FBXL5: variants seen among roughly 807,000 people sequenced by gnomAD.
FBXL5 encodes the protein F-box and leucine rich repeat protein 5.
FBXL5 carries 26 observed loss-of-function variants against 78.3 expected under a neutral mutation model. The ratio of observed to expected loss-of-function variants is 0.33; its 90% confidence interval spans 0.24 to 0.46. The LOEUF (loss-of-function observed/expected upper bound fraction) is 0.46, where lower values mean the gene tolerates loss of function less well. Among genes scored for constraint, FBXL5 ranks in the 20% least tolerant of loss-of-function variants. The pLI, the probability that FBXL5 is intolerant of heterozygous loss-of-function variation, is 1.00. For synonymous variants in FBXL5, 295 were observed against 282.5 expected (o/e 1.04, Z -0.45); for missense variants, 710 against 829.2 (o/e 0.86, Z 1.77).
In FBXL5 at chr4:15,636,582, A is replaced by C. The variant is rs746268261; in HGVS notation, c.678T>G (p.Cys226Trp). Reference sequence around the variant, plus strand: ...ATTTCATGCTTACTTGACTGCATCGACATAACTCTTGAGGATTAAGATAGC... The same window carrying C: ...ATTTCATGCTTACTTGACTGCATCGCCATAACTCTTGAGGATTAAGATAGC... ...IFSYLNPQEL[C>W]RCSQVSMKWS... The change falls in exon 5 of 11, where the codon TGT becomes TGG. Residue 226 changes from cysteine to tryptophan, a missense_variant. Coordinates refer to ENST00000341285, the MANE Select transcript of FBXL5 (RefSeq NM_012161.4). 6.2e-7 allele frequency: 1 copy of C among 1,614,116 alleles called. No homozygotes were observed. Among genetic ancestry groups the C allele is most frequent in the South Asian group, 1.1e-5 (1 of 91,084 alleles).
In FBXL5 at chr4:15,626,858, T is replaced by C. The variant is rs755091836; in HGVS notation, c.1124+15A>G. 18 of 1,560,196 alleles carry C rather than the reference T, an allele frequency of 1.2e-5. No individual in the cohort carries two copies. The highest frequency in any genetic ancestry group is 1.5e-5 in the Non-Finnish European group (17 of 1,149,832). ...ATAGTTTTTCATTATATTTAAATTG[T>C]TTAAAATAACTAACCTGTCAAATGC... On this transcript the variant is annotated intron_variant, in intron 8 of 10. Transcript: ENST00000341285.
chr4:15,606,444 A>G (rs1353599938), intron 10 of FBXL5, among the ~76,000 whole-genome samples: 2 of 152,200 alleles, frequency 1.3e-5, no homozygotes, highest in Non-Finnish European at 2.9e-5. Context: ...AATCTGTGGA[A>G]TAACTGACAT....
At chr4:15,647,473 A>C (rs760503592) in intron 1 of FBXL5, among the ~76,000 whole-genome samples, 4 of 152,160 alleles carry the variant, frequency 2.6e-5, no homozygotes, top group Non-Finnish European at 5.9e-5. Flanking sequence ...AATCTCCCAC[A>C]AAATAGGAGG....
intron 10 of FBXL5, among the ~76,000 whole-genome samples, chr4:15,609,069 A>G (rs1722069355): frequency 6.6e-6 from 1 of 152,174 alleles, no homozygotes; most frequent in Non-Finnish European, 1.5e-5. Flanking sequence ...AGGGAAAACT[A>G]GAAAGAAATA....
chr4:15,606,712 C>A (rs1721911206), intron 10 of FBXL5, among the ~76,000 whole-genome samples: 1 of 152,028 alleles, frequency 6.6e-6, no homozygotes, highest in African/African-American at 2.4e-5. Context: ...CAAGAACAAC[C>A]AAAATACTTG....
chr4:15,647,549 G>A (rs975054799), intron 1 of FBXL5, among the ~76,000 whole-genome samples: 11 of 152,054 alleles, frequency 7.2e-5, no homozygotes, highest in Non-Finnish European at 1.6e-4. Context: ...AAGACATACA[G>A]GGAATTTTGC....
At position 15,645,613 on chromosome 4, in the gene FBXL5, G is replaced by C. The variant is rs188297266; in HGVS notation, c.85-905C>G. ...CGGCTAATTTTTGTATTTTTTAGCA[G>C]AGATGGGGTTTCACCATCTTGGCCA... On this transcript the variant is annotated intron_variant, in intron 1 of 10. Transcript: ENST00000341285. Among the ~76,000 whole-genome samples the C allele has an allele frequency of 9.6e-3, 1,459 of 151,998 alleles. 19 individuals carry two copies. The highest frequency in any genetic ancestry group is 0.034 in the African/African-American group (1,392 of 41,438).
chr4:15,624,858 C>T (rs1324989613), intron 9 of FBXL5, among the ~76,000 whole-genome samples: 1 of 152,116 alleles, frequency 6.6e-6, no homozygotes. Flanking sequence ...CCTACGTTTT[C>T]CAAAACCCTC....
Position 15,645,756 on chromosome 4 carries a change from A to G in FBXL5, c.85-1048T>C, listed in dbSNP as rs377174172. 3.3e-3 allele frequency among the ~76,000 whole-genome samples: 508 copies of G among 152,260 alleles called. 32 individuals are homozygous for G. In the South Asian group the frequency reaches 0.099, roughly 30 times the overall value. On this transcript the variant is annotated intron_variant, in intron 1 of 10. Coordinates refer to ENST00000341285, the MANE Select transcript of FBXL5 (RefSeq NM_012161.4). ...TTTCTTTCTTAATGTGTTAATCTTG[A>G]TGTTAAATGGATATAATAAAACATC...
In FBXL5 at chr4:15,611,454, C is replaced by T. The variant is rs929218782; in HGVS notation, c.1999+812G>A. ...AAGACAGGTACATAGTAGTCTGAGCCATCTAAAATTTTCTCCAGTTATAAA... is the reference window on the plus strand; with the variant it reads ...AAGACAGGTACATAGTAGTCTGAGCTATCTAAAATTTTCTCCAGTTATAAA... On this transcript the variant is annotated intron_variant, in intron 10 of 10. Transcript: ENST00000341285. 2.0e-5 allele frequency among the ~76,000 whole-genome samples: 3 copies of T among 151,996 alleles called. No homozygotes were observed. The South Asian group carries it at 6.2e-4, about 31-fold the overall frequency.
intron 4 of FBXL5, among the ~76,000 whole-genome samples, chr4:15,636,955 A>G (rs1429487258): frequency 6.6e-6 from 1 of 152,232 alleles, no homozygotes; most frequent in Admixed American, 6.5e-5. Flanking sequence ...CATCACAGAA[A>G]AAACAATACT....
At chr4:15,635,575 G>A (rs12509029) in intron 5 of FBXL5, among the ~76,000 whole-genome samples, 42,716 of 151,516 alleles carry the variant, frequency 0.28, 6,244 homozygotes, top group East Asian at 0.47. Context: ...TCAACATGAT[G>A]AAACCCCATC....
chr4:15,654,087 A>C (rs1716500155), intron 1 of FBXL5, among the ~76,000 whole-genome samples: 1 of 152,130 alleles, frequency 6.6e-6, no homozygotes, highest in Admixed American at 6.5e-5. Context: ...GCTGGTCTTG[A>C]GTGTGGCCTA....
Position 15,655,349 on chromosome 4 carries a change from C to T in FBXL5, c.-62G>A. On this transcript the variant is annotated 5_prime_UTR_variant, in exon 1 of 11. Coordinates refer to ENST00000341285, the MANE Select transcript of FBXL5 (RefSeq NM_012161.4). ...CGCCGCCTCTCCATAGACACCCTCGCCGCGGGGCAGAGGCGGCGCGCCCCC... is the reference window on the plus strand; with the variant it reads ...CGCCGCCTCTCCATAGACACCCTCGTCGCGGGGCAGAGGCGGCGCGCCCCC... The T allele has an allele frequency of 3.2e-6, 4 of 1,261,608 alleles. No homozygotes were observed. The highest frequency in any genetic ancestry group is 4.1e-6 in the Non-Finnish European group (4 of 971,146). 78.2% of individuals were successfully genotyped at this position (1,261,608 alleles called of 1,614,324 possible). A position where few individuals can be genotyped will look rare whatever the true frequency, so the allele number is the denominator to read the frequency against.
chr4:15,612,075 G>A, intron 10 of FBXL5, 191 bp downstream of exon 10: 1 of 473,820 alleles, frequency 2.1e-6, no homozygotes, highest in East Asian at 3.7e-5. Flanking sequence ...ACATCTGCAA[G>A]AAAAACTTAC....
chr4:15,629,343 CTG>C (rs1713390082), intron 6 of FBXL5, among the ~76,000 whole-genome samples: 1 of 152,126 alleles, frequency 6.6e-6, no homozygotes, highest in South Asian at 2.1e-4. Context: ...AATGAATAAA[CTG>C]AGACTTCCTT....
intron 6 of FBXL5, among the ~76,000 whole-genome samples, chr4:15,629,069 A>G (rs997574849): frequency 1.3e-5 from 2 of 152,138 alleles, no homozygotes; most frequent in Non-Finnish European, 1.5e-5. Flanking sequence ...TAAACATTCT[A>G]TGAAAAACAA....
rs190414775 is a variant in FBXL5 at position 15,605,628 on chromosome 4, A to C, written c.*95T>G. 377 of 1,020,758 alleles carry C rather than the reference A, an allele frequency of 3.7e-4. No individual in the cohort carries two copies. Among genetic ancestry groups the C allele is most frequent in the Non-Finnish European group, 4.6e-4 (309 of 673,134 alleles). The allele number at this position is 1,020,758 out of a possible 1,614,324, so 63.2% of individuals were successfully genotyped here. A position where few individuals can be genotyped will look rare whatever the true frequency, so the allele number is the denominator to read the frequency against. On this transcript the variant is annotated 3_prime_UTR_variant, in exon 11 of 11. Transcript: ENST00000341285. ...GGGGCCAAAACAAGTCACGCTCAAA[A>C]AGGGATGGTTAACACAAGAAATGTG...
At chr4:15,677,212 T>C (rs980976683) in intron 1 of FBXL5, among the ~76,000 whole-genome samples, 7 of 152,232 alleles carry the variant, frequency 4.6e-5, no homozygotes, top group African/African-American at 1.7e-4. Flanking sequence ...ATGTTATGTT[T>C]CTTAATTTGG....
Sources: gnomAD v4.1 joint callset for allele counts (sites outside exome capture counted in the v4.1 genomes callset) on GRCh38, gnomAD v4.1.1 for gene constraint, MANE v1.5 for transcripts, NCBI Gene and HGNC (gene_info 2026-07-23, HGNC 2026-07-21) for gene names.